Variants in PTPRD observed in about 807,000 individuals in gnomAD.
PTPRD encodes the protein receptor-type tyrosine-protein phosphatase delta.
Under a neutral mutation model 214.5 loss-of-function variants are expected in PTPRD, and 34 were observed. That is an observed-to-expected ratio of 0.16 (90% CI 0.12 to 0.21). PTPRD has a LOEUF of 0.21. PTPRD is among the 10% of genes least tolerant of loss of function. The pLI is 1.00. For missense variants in PTPRD, 2,545 were observed against 2,398.7 expected (o/e 1.06, Z -1.27); for synonymous variants, 1,128 against 845.7 (o/e 1.33, Z -5.79).
chr9:8,404,710 C>T, intron 35 of PTPRD, 50 bp from the exon 36 acceptor site: 2 of 1,562,082 alleles, frequency 1.3e-6, no homozygotes, highest in Non-Finnish European at 1.7e-6. Flanking sequence ...TGAAAACCAC[C>T]AGATTATAGG....
At chr9:10,413,939 A>G (rs1332455139) in intron 2 of PTPRD, among the ~76,000 whole-genome samples, 4 of 151,956 alleles carry the variant, frequency 2.6e-5, no homozygotes, top group Non-Finnish European at 5.9e-5. Context: ...TTCTTACACC[A>G]TATAGAAAGA....
chr9:8,484,510 A>T, intron 29 of PTPRD, 132 bp from the exon 30 acceptor site: 1 of 863,742 alleles, frequency 1.2e-6, no homozygotes, highest in East Asian at 2.7e-5. Flanking sequence ...TTCTAAGTCC[A>T]TGAGTAGTCA....
At chr9:10,421,635 A>G (rs1170844798) in intron 2 of PTPRD, among the ~76,000 whole-genome samples, 1 of 151,904 alleles carries the variant, frequency 6.6e-6, no homozygotes, top group Non-Finnish European at 1.5e-5. Context: ...CATACCATAT[A>G]TCAAAAAGGT....
chr9:9,432,065 AAT>A (rs1399010188), intron 8 of PTPRD, among the ~76,000 whole-genome samples: 1 of 147,922 alleles, frequency 6.8e-6, no homozygotes, highest in Non-Finnish European at 1.5e-5. Context: ...TAATAATAAT[AAT>A]AATAATAATA....
At chr9:9,327,959 A>G (rs1259056402) in intron 9 of PTPRD, among the ~76,000 whole-genome samples, 2 of 152,052 alleles carry the variant, frequency 1.3e-5, no homozygotes, top group African/African-American at 4.8e-5. Flanking sequence ...AAGTTTACAA[A>G]TTTGTTTTGG....
intron 2 of PTPRD, among the ~76,000 whole-genome samples, chr9:10,420,685 T>C (rs1289758457): frequency 6.6e-6 from 1 of 151,866 alleles, no homozygotes; most frequent in East Asian, 1.9e-4. Context: ...CCTGAGTGGC[T>C]TCAAATGTCT....
At chr9:9,571,631 T>C (rs1439979342) in intron 8 of PTPRD, among the ~76,000 whole-genome samples, 1 of 151,114 alleles carries the variant, frequency 6.6e-6, no homozygotes, top group African/African-American at 2.4e-5. Flanking sequence ...TAAAGTAAAA[T>C]AATTTTGTTA....
chr9:8,384,598 G>A (rs1291332464), intron 37 of PTPRD, among the ~76,000 whole-genome samples: 1 of 152,096 alleles, frequency 6.6e-6, no homozygotes, highest in African/African-American at 2.4e-5. Flanking sequence ...TGCAATCTTG[G>A]CCCACCACAA....
At chr9:8,724,179 A>C (rs2098532918) in intron 12 of PTPRD, among the ~76,000 whole-genome samples, 1 of 152,214 alleles carries the variant, frequency 6.6e-6, no homozygotes, top group Non-Finnish European at 1.5e-5. Context: ...AGACTGAGTA[A>C]AGATAAATTT....
At chr9:9,012,292 GA>G (rs2099515106) in intron 11 of PTPRD, among the ~76,000 whole-genome samples, 1 of 152,134 alleles carries the variant, frequency 6.6e-6, no homozygotes, top group South Asian at 2.1e-4. Context: ...TCTTGCAGAG[GA>G]CCCAACTAAG....
At chr9:9,747,908 A>G (rs569759995) in intron 6 of PTPRD, among the ~76,000 whole-genome samples, 70 of 152,022 alleles carry the variant, frequency 4.6e-4, no homozygotes, top group Non-Finnish European at 6.2e-4. Flanking sequence ...GAATGTTTCA[A>G]AAACACTCTT....
At chr9:8,808,008 G>C (rs974216165) in intron 11 of PTPRD, among the ~76,000 whole-genome samples, 1 of 152,148 alleles carries the variant, frequency 6.6e-6, no homozygotes, top group African/African-American at 2.4e-5. Flanking sequence ...TTGGGGACAT[G>C]TATGCTCTAC....
intron 11 of PTPRD, among the ~76,000 whole-genome samples, chr9:8,747,256 T>C (rs766043507): frequency 6.6e-6 from 1 of 152,128 alleles, no homozygotes; most frequent in Non-Finnish European, 1.5e-5. Context: ...ACTTCACTAA[T>C]AGCCCTCACT....
chr9:9,933,630 G>A (rs1189561095), intron 5 of PTPRD, among the ~76,000 whole-genome samples: 2 of 149,978 alleles, frequency 1.3e-5, no homozygotes, highest in East Asian at 3.9e-4. Flanking sequence ...TTAATAATGG[G>A]AGACTTTAAC....
intron 3 of PTPRD, among the ~76,000 whole-genome samples, chr9:10,034,294 C>T (rs777190568): frequency 1.5e-4 from 23 of 151,842 alleles, no homozygotes; most frequent in African/African-American, 2.7e-4. Context: ...TTCTTTCTTA[C>T]GATAATCTCT....
At chr9:8,994,543 G>A (rs1417388814) in intron 11 of PTPRD, among the ~76,000 whole-genome samples, 2 of 152,052 alleles carry the variant, frequency 1.3e-5, no homozygotes, top group African/African-American at 2.4e-5. Context: ...AAATAATTAA[G>A]TGGCTAGAAA....
intron 3 of PTPRD, among the ~76,000 whole-genome samples, chr9:10,095,824 C>T (rs1249273401): frequency 6.6e-6 from 1 of 151,534 alleles, no homozygotes; most frequent in African/African-American, 2.4e-5. Context: ...ATGATTTAAA[C>T]TGCCATTATC....
At chr9:8,503,026 G>C (rs903202941) in intron 23 of PTPRD, among the ~76,000 whole-genome samples, 1 of 151,896 alleles carries the variant, frequency 6.6e-6, no homozygotes, top group African/African-American at 2.4e-5. Flanking sequence ...TACAGAGAAC[G>C]CATTAATTTA....
intron 3 of PTPRD, among the ~76,000 whole-genome samples, chr9:10,266,324 T>C (rs566240135): frequency 1.3e-3 from 204 of 152,294 alleles, no homozygotes; most frequent in Non-Finnish European, 2.1e-3. Flanking sequence ...TATTATTATT[T>C]AATACAAATT....
Sources: gnomAD v4.1 joint callset for allele counts (sites outside exome capture counted in the v4.1 genomes callset) on GRCh38, gnomAD v4.1.1 for gene constraint, MANE v1.5 for transcripts, NCBI Gene and HGNC (gene_info 2026-07-23, HGNC 2026-07-21) for gene names.